Variants in OXNAD1 observed in about 807,000 individuals in gnomAD.
OXNAD1 encodes the protein oxidoreductase NAD binding domain containing 1.
In OXNAD1, 34 loss-of-function variants were observed where a neutral mutation model predicts 32.9. That is an observed-to-expected ratio of 1.03 (90% CI 0.79 to 1.38). The LOEUF (loss-of-function observed/expected upper bound fraction) is 1.38, where lower values mean the gene tolerates loss of function less well. Among genes scored for constraint, OXNAD1 ranks in the 40% most tolerant of loss-of-function variants. The pLI is 0.00. For missense variants in OXNAD1, 407 were observed against 379.4 expected, an observed-to-expected ratio of 1.07 and a Z score of -0.60; for synonymous variants, 134 against 135.2, an observed-to-expected ratio of 0.99 and a Z score of 0.06.
At chr3:16,333,539 G>A (rs2070533717) in intron 9 of OXNAD1, among the ~76,000 whole-genome samples, 1 of 152,182 alleles carries the variant, frequency 6.6e-6, no homozygotes, top group Admixed American at 6.5e-5. Flanking sequence ...ATAGATGCCT[G>A]TGTCCAATCC....
At chr3:16,307,719 G>GT (rs1362323440), downstream of OXNAD1, among the ~76,000 whole-genome samples, 2 of 134,380 alleles carry the variant, frequency 1.5e-5, no homozygotes, top group African/African-American at 3.0e-5. Context: ...TTCTCATTGG[G>GT]TTGTTTTATT....
chr3:16,310,449 G>T (rs935431390), downstream of OXNAD1, among the ~76,000 whole-genome samples: 1 of 152,046 alleles, frequency 6.6e-6, no homozygotes, highest in African/African-American at 2.4e-5. Context: ...TTATTTAGAG[G>T]CCACAGAAAA....
At position 16,275,693 on chromosome 3, in the gene OXNAD1, G is replaced by A. The variant is rs529845714; in HGVS notation, c.183+3971G>A. The A allele has an allele frequency of 1.5e-4, 27 of 176,824 alleles. No homozygotes were observed. In the South Asian group the frequency reaches 3.2e-3, roughly 21 times the overall value. 11.0% of individuals were successfully genotyped at this position (176,824 alleles called of 1,614,324 possible). ...GGCAGATATAAAAGAATTAACTACGGGTTTAGAAAAATGGCAATAATAGAT... is the reference window on the plus strand; with the variant it reads ...GGCAGATATAAAAGAATTAACTACGAGTTTAGAAAAATGGCAATAATAGAT... On this transcript the variant is annotated intron_variant, in intron 4 of 8. Coordinates refer to ENST00000285083, the MANE Select transcript of OXNAD1 (RefSeq NM_138381.5).
At position 16,280,943 on chromosome 3, in the gene OXNAD1, G is replaced by A. The variant is rs376449869; in HGVS notation, c.184-5399G>A. 1.1e-4 allele frequency among the ~76,000 whole-genome samples: 16 copies of A among 152,278 alleles called. No homozygotes were observed. The East Asian group carries it at 1.5e-3, about 15-fold the overall frequency. ...ATTTCCTGCCATGTGTTTTAACTTA[G>A]GACATGGATAGTTGAGGTTTCAGTT... On this transcript the variant is annotated intron_variant, in intron 4 of 8. Coordinates refer to ENST00000285083, the MANE Select transcript of OXNAD1 (RefSeq NM_138381.5). This position sits in a 1 kb window ranked among gnomAD's most constrained non-coding sequence, Gnocchi z 4.5.
rs1361123837 is a variant in OXNAD1 at position 16,277,068 on chromosome 3, G to C, written c.183+5346G>C. Among the ~76,000 whole-genome samples the C allele has an allele frequency of 3.3e-5, 5 of 152,024 alleles. No individual in the cohort carries two copies. The East Asian group carries it at 9.6e-4, about 29-fold the overall frequency. On this transcript the variant is annotated intron_variant, in intron 4 of 8. Coordinates refer to ENST00000285083, the MANE Select transcript of OXNAD1 (RefSeq NM_138381.5). The surrounding 1 kb of genome is among the most constrained non-coding windows in gnomAD (Gnocchi z 4.3). ...GCCTCCCCAGTAGCTGGGATTACAG[G>C]CGCCTGCCACCATGCCCGGCTAACT...
At chr3:16,342,252 A>T (rs2071366850), downstream of OXNAD1, among the ~76,000 whole-genome samples, 1 of 150,980 alleles carries the variant, frequency 6.6e-6, no homozygotes, top group African/African-American at 2.4e-5. This position sits in a 1 kb window ranked among gnomAD's most constrained non-coding sequence, Gnocchi z 4.0. Flanking sequence ...GTCTCTATGC[A>T]CTTGCCTCAC....
At chr3:16,300,250 A>G (rs1009642267) in intron 6 of OXNAD1, among the ~76,000 whole-genome samples, 2 of 152,238 alleles carry the variant, frequency 1.3e-5, no homozygotes, top group South Asian at 4.1e-4. Context: ...AAGGAGAAAT[A>G]AAAGAAAGTG....
intron 4 of OXNAD1, among the ~76,000 whole-genome samples, chr3:16,273,581 G>T (rs1228114671): frequency 1.3e-5 from 2 of 152,036 alleles, no homozygotes; most frequent in Non-Finnish European, 2.9e-5. Flanking sequence ...TGTAAAGATG[G>T]TCTTGCTGTG....
Position 16,327,839 on chromosome 3 carries a change from T to G in OXNAD1, c.*31-9273T>G, listed in dbSNP as rs1313785121. Among the ~76,000 whole-genome samples the G allele has an allele frequency of 6.6e-6, 1 of 152,166 alleles. No individual in the cohort carries two copies. Among genetic ancestry groups the G allele is most frequent in the Admixed American group, 6.5e-5 (1 of 15,280 alleles). ...GAGCCCTGATGTGAGGCCCCTGCAC[T>G]GGCTTCCACCTCTGCAGGCGTTCTC... On this transcript the variant is annotated intron_variant, in intron 9 of 9. Transcript: ENST00000435829. The surrounding 1 kb of genome is among the most constrained non-coding windows in gnomAD (Gnocchi z 4.2).
In OXNAD1 at chr3:16,277,179, G is replaced by A. The variant is rs1381401950; in HGVS notation, c.183+5457G>A. ...CCTGACCTCATGATCTGCCCTCCTC[G>A]GCCTCCCAAAGTGCTGGGATTACAG... On this transcript the variant is annotated intron_variant, in intron 4 of 8. Coordinates refer to ENST00000285083, the MANE Select transcript of OXNAD1 (RefSeq NM_138381.5). This position sits in a 1 kb window ranked among gnomAD's most constrained non-coding sequence, Gnocchi z 4.3. Among the ~76,000 whole-genome samples the A allele has an allele frequency of 1.3e-5, 2 of 151,692 alleles. No individual in the cohort carries two copies. The highest frequency in any genetic ancestry group is 2.1e-4 in the South Asian group (1 of 4,808).
intron 2 of OXNAD1, among the ~76,000 whole-genome samples, chr3:16,270,042 CTG>C (rs1271594045): frequency 6.6e-6 from 1 of 152,206 alleles, no homozygotes; most frequent in Non-Finnish European, 1.5e-5. Flanking sequence ...GTTGAAGAAT[CTG>C]TGTGTGTGTT....
Position 16,284,622 on chromosome 3 carries a change from G to A in OXNAD1, c.184-1720G>A, listed in dbSNP as rs2065954430. The stretch of plus-strand genomic sequence containing the variant: ...AAATGTCGTTGCACAGCACATGACT[G>A]TACATTATAACCAACATTAATGAGT... On this transcript the variant is annotated intron_variant, in intron 4 of 8. Coordinates refer to ENST00000285083, the MANE Select transcript of OXNAD1 (RefSeq NM_138381.5). This position sits in a 1 kb window ranked among gnomAD's most constrained non-coding sequence, Gnocchi z 4.1. Among the ~76,000 whole-genome samples, 1 of 152,244 alleles carries A rather than the reference G, an allele frequency of 6.6e-6. No homozygotes were observed. Among genetic ancestry groups the A allele is most frequent in the South Asian group, 2.1e-4 (1 of 4,836 alleles).
chr3:16,326,301 C>A lies in OXNAD1; in HGVS notation c.*31-10811C>A, dbSNP rs150539003. On this transcript the variant is annotated intron_variant, in intron 9 of 9. Transcript: ENST00000435829. ...CCCTTTGTGGAGCTGGTGACCAGTG[C>A]TTGATCTTGGCCAAGTCCCTCAACC... 9.1e-4 allele frequency among the ~76,000 whole-genome samples: 138 copies of A among 152,368 alleles called. 1 individual carries two copies. The highest frequency in any genetic ancestry group is 3.0e-3 in the African/African-American group (126 of 41,594).
intron 9 of OXNAD1, among the ~76,000 whole-genome samples, chr3:16,343,371 AAC>A (rs2071434953): frequency 2.0e-5 from 3 of 152,280 alleles, no homozygotes; most frequent in Admixed American, 2.0e-4. Flanking sequence ...AATCAACAAA[AAC>A]AGTCTACTTC....
chr3:16,271,741 T>A lies in OXNAD1; in HGVS notation c.183+19T>A. Reference sequence around the variant, plus strand: ...ACGGGAGGTTTGTATCTTTGGGGTATGACAGGTTTTTCCAGCTAGACCGTT... The same window carrying A: ...ACGGGAGGTTTGTATCTTTGGGGTAAGACAGGTTTTTCCAGCTAGACCGTT... On this transcript the variant is annotated intron_variant, in intron 4 of 8. Transcript: ENST00000285083. This position sits in a 1 kb window ranked among gnomAD's most constrained non-coding sequence, Gnocchi z 4.6. 6.3e-7 allele frequency: 1 copy of A among 1,599,796 alleles called. No individual in the cohort carries two copies. The highest frequency in any genetic ancestry group is 8.5e-7 in the Non-Finnish European group (1 of 1,175,188).
chr3:16,338,813 T>G (rs9838234), downstream of OXNAD1, among the ~76,000 whole-genome samples: 3,417 of 152,212 alleles, frequency 0.022, 113 homozygotes, highest in African/African-American at 0.078. The surrounding 1 kb of genome is among the most constrained non-coding windows in gnomAD (Gnocchi z 5.3). Flanking sequence ...TTTTCCAAAG[T>G]GTATAATTAA....
chr3:16,331,265 T>C (rs1575003943), intron 9 of OXNAD1, among the ~76,000 whole-genome samples: 1 of 152,248 alleles, frequency 6.6e-6, no homozygotes, highest in Non-Finnish European at 1.5e-5. Context: ...ACTGGCAGGG[T>C]GTGCTTATAC....
chr3:16,341,081 A>G (rs879561728), downstream of OXNAD1, among the ~76,000 whole-genome samples: 1 of 152,274 alleles, frequency 6.6e-6, no homozygotes, highest in Non-Finnish European at 1.5e-5. This position sits in a 1 kb window ranked among gnomAD's most constrained non-coding sequence, Gnocchi z 4.7. Flanking sequence ...ATATGTCATT[A>G]GGGAAATGCA....
rs1255628958 is a variant in OXNAD1 at position 16,289,699 on chromosome 3, C to G, written c.290+3251C>G. 6.6e-6 allele frequency among the ~76,000 whole-genome samples: 1 copy of G among 152,178 alleles called. No homozygotes were observed. Among genetic ancestry groups the G allele is most frequent in the Non-Finnish European group, 1.5e-5 (1 of 68,046 alleles). Reference sequence around the variant, plus strand: ...CCTTGGCATCTTTTTCAAACTGTGTCCTCCCCCATTACTCATCTGGTAAGC... The same window carrying G: ...CCTTGGCATCTTTTTCAAACTGTGTGCTCCCCCATTACTCATCTGGTAAGC... On this transcript the variant is annotated intron_variant, in intron 5 of 8. Transcript: ENST00000285083. The surrounding 1 kb of genome is among the most constrained non-coding windows in gnomAD (Gnocchi z 4.9).
Sources: gnomAD v4.1 joint callset for allele counts (sites outside exome capture counted in the v4.1 genomes callset) on GRCh38, gnomAD v4.1.1 for gene constraint, Gnocchi (gnomAD v3.1) non-coding constraint, MANE v1.5 for transcripts, NCBI Gene and HGNC (gene_info 2026-07-23, HGNC 2026-07-21) for gene names.